Variants in NOTCH1 observed in about 807,000 individuals in gnomAD.
The protein encoded by NOTCH1 is neurogenic locus notch homolog protein 1.
Under a neutral mutation model 254.8 loss-of-function variants are expected in NOTCH1, and 37 were observed. The observed-to-expected ratio is 0.15, with a 90% confidence interval of 0.11 to 0.19. The LOEUF is 0.19. Among genes scored for constraint, NOTCH1 ranks in the 10% least tolerant of loss-of-function variants. The probability of loss-of-function intolerance (pLI) is 1.00; values close to 1 mark genes in which losing one functional copy is unlikely to be tolerated. For missense variants in NOTCH1, 2,972 were observed against 3,708.6 expected, an observed-to-expected ratio of 0.80 and a Z score of 5.16; for synonymous variants, 1,731 against 1,618.1, an observed-to-expected ratio of 1.07 and a Z score of -1.68.
chr9:136,510,045 G>T, intron 17 of NOTCH1, 84 bp from the exon 18 acceptor site: 1 of 1,320,012 alleles, frequency 7.6e-7, no homozygotes, highest in Non-Finnish European at 1.1e-6. Flanking sequence ...GCATGGCTGG[G>T]GACAGCCCAG....
Position 136,497,565 on chromosome 9 carries a change from G to T in NOTCH1, c.6181-7C>A. 1 of 1,583,848 alleles carries T rather than the reference G, an allele frequency of 6.3e-7. No homozygotes were observed. The highest frequency in any genetic ancestry group is 1.1e-5 in the South Asian group (1 of 88,828). On this transcript the variant is annotated splice_region_variant and splice_polypyrimidine_tract_variant and intron_variant, in intron 33 of 33. Transcript: ENST00000651671. Reference sequence around the variant, plus strand: ...GAAACAGGGGTGTCTCCTCCTGGGGGATGAGGGCGGGGGCCGGTGAGGGGG... The same window carrying T: ...GAAACAGGGGTGTCTCCTCCTGGGGTATGAGGGCGGGGGCCGGTGAGGGGG...
At chr9:136,532,045 C>T (rs577466176) in intron 2 of NOTCH1, among the ~76,000 whole-genome samples, 12 of 152,352 alleles carry the variant, frequency 7.9e-5, no homozygotes, top group South Asian at 2.1e-4. Context: ...TCACTCTGCC[C>T]GGGCCCAGCG....
In NOTCH1 at chr9:136,518,174, G is replaced by A. The variant is rs778362940; in HGVS notation, c.1218C>T (p.Gly406=). ...AICTCPSGYT[G]PACSQDVDEC... The stretch of plus-strand genomic sequence containing the variant: ...CATCCACGTCCTGGCTGCAGGCCGG[G>A]CCCGTGTACCCCGAGGGGCAGGTGC... The change falls in exon 7 of 34, where the codon GGC becomes GGT. Residue 406 remains glycine (G), a synonymous_variant. Coordinates refer to ENST00000651671, the MANE Select transcript of NOTCH1 (RefSeq NM_017617.5). 6.3e-7 allele frequency: 1 copy of A among 1,599,462 alleles called. No individual in the cohort carries two copies. Among genetic ancestry groups the A allele is most frequent in the Non-Finnish European group, 8.5e-7 (1 of 1,173,532 alleles).
chr9:136,502,839 G>T (rs1307574390), intron 27 of NOTCH1: 3 of 575,112 alleles, frequency 5.2e-6, no homozygotes, highest in Non-Finnish European at 9.5e-6. Context: ...ACATGACACC[G>T]ATCAATTCTT....
chr9:136,534,455 G>C (rs943985986), intron 2 of NOTCH1, among the ~76,000 whole-genome samples: 3 of 152,180 alleles, frequency 2.0e-5, no homozygotes. Flanking sequence ...CTCAGTGCCA[G>C]GCGGAGCAGA....
intron 30 of NOTCH1, 106 bp downstream of exon 30, chr9:136,501,642 C>T (rs1298643064): frequency 7.2e-7 from 1 of 1,385,642 alleles, no homozygotes; most frequent in Non-Finnish European, 1.0e-6. Context: ...CTCTCACCCC[C>T]AATTCTAAGT....
intron 2 of NOTCH1, among the ~76,000 whole-genome samples, chr9:136,534,550 C>G (rs1843611847): frequency 6.6e-6 from 1 of 152,266 alleles, no homozygotes; most frequent in Admixed American, 6.5e-5. Context: ...AGAACAGCGC[C>G]CACCTGGTGC....
intron 2 of NOTCH1, among the ~76,000 whole-genome samples, chr9:136,528,919 G>A (rs927788951): frequency 6.6e-6 from 1 of 152,142 alleles, no homozygotes; most frequent in Non-Finnish European, 1.5e-5. Flanking sequence ...ATCGCTAGGC[G>A]GCCAGCCTGA....
Position 136,494,715 on chromosome 9 carries a change from G to T in NOTCH1, c.*1356C>A, listed in dbSNP as rs1289806687. 5.0e-6 allele frequency: 2 copies of T among 398,564 alleles called. No individual in the cohort carries two copies. Among genetic ancestry groups the T allele is most frequent in the Non-Finnish European group, 8.8e-6 (2 of 226,004 alleles). The allele number at this position is 398,564 out of a possible 1,614,324, so 24.7% of individuals were successfully genotyped here. On this transcript the variant is annotated 3_prime_UTR_variant, in exon 34 of 34. Coordinates refer to ENST00000651671, the MANE Select transcript of NOTCH1 (RefSeq NM_017617.5). ...CGTCCCCAGTGCATGGGCGGCTAAG[G>T]CTCCCCGAGCTGAGCCAAGTCTGAC... is the stretch of plus-strand genomic sequence containing the variant.
rs1564567879 is a variant in NOTCH1 at position 136,496,546 on chromosome 9, T to C, written c.7193A>G (p.Gln2398Arg). 1 of 1,609,278 alleles carries C rather than the reference T, an allele frequency of 6.2e-7. No individual in the cohort carries two copies. Among genetic ancestry groups the C allele is most frequent in the Non-Finnish European group, 8.5e-7 (1 of 1,179,958 alleles). ...QNLQMQQQNLQPANIQQQQSL... is the reference protein window; with the variant it reads ...QNLQMQQQNLRPANIQQQQSL... Reference sequence around the variant, plus strand: ...TTGCTGCTGCTGGATGTTTGCTGGCTGCAGGTTCTGCTGCTGCATCTGTAA... The same window carrying C: ...TTGCTGCTGCTGGATGTTTGCTGGCCGCAGGTTCTGCTGCTGCATCTGTAA... The change falls in exon 34 of 34, where the codon CAG becomes CGG. Residue 2398 changes from glutamine to arginine, a missense_variant. By Grantham distance (43) the Gln-to-Arg change is conservative. Around this residue, in one of 8 missense-constraint regions of NOTCH1, gnomAD observed 529 missense variants for 529.2 expected, o/e 1.00. Transcript: ENST00000651671.
At chr9:136,541,809 G>C (rs1449514012) in intron 2 of NOTCH1, among the ~76,000 whole-genome samples, 2 of 152,248 alleles carry the variant, frequency 1.3e-5, no homozygotes, top group African/African-American at 4.8e-5. Flanking sequence ...CAACTCTGCG[G>C]CCCAGAAGCA....
At chr9:136,501,087 TG>T (rs1252229690) in intron 30 of NOTCH1, among the ~76,000 whole-genome samples, 1 of 152,196 alleles carries the variant, frequency 6.6e-6, no homozygotes, top group Non-Finnish European at 1.5e-5. Context: ...GCCCAAGACC[TG>T]GCACCCAAAA....
At chr9:136,538,522 C>T (rs1395576912) in intron 2 of NOTCH1, among the ~76,000 whole-genome samples, 3 of 152,360 alleles carry the variant, frequency 2.0e-5, no homozygotes, top group South Asian at 2.1e-4. Flanking sequence ...AAAGCGCCAG[C>T]GCTGCCTGGG....
chr9:136,507,235 C>T (rs769196185), intron 22 of NOTCH1, 70 bp downstream of exon 22: 40 of 1,609,772 alleles, frequency 2.5e-5, no homozygotes, highest in Admixed American at 1.0e-4. Context: ...TGGCCGGTCC[C>T]GGGGTGCCTG....
In NOTCH1 at chr9:136,543,612, A is replaced by G. The variant is rs549065250; in HGVS notation, c.140+412T>C. The G allele has an allele frequency of 1.9e-5, 7 of 368,594 alleles. No individual in the cohort carries two copies. In the East Asian group the frequency reaches 4.2e-4, roughly 22 times the overall value. 22.8% of individuals were successfully genotyped at this position (368,594 alleles called of 1,614,324 possible). ...GGCATCACCCCCGAGAGGAGGCATC[A>G]CCTGTGCCCAGGAGGCATCACCCGC... On this transcript the variant is annotated intron_variant, in intron 2 of 33. Coordinates refer to ENST00000651671, the MANE Select transcript of NOTCH1 (RefSeq NM_017617.5).
chr9:136,497,565 G>C lies in NOTCH1; in HGVS notation c.6181-7C>G, dbSNP rs1283606239. The C allele has an allele frequency of 6.3e-7, 1 of 1,583,856 alleles. No individual in the cohort carries two copies. Among genetic ancestry groups the C allele is most frequent in the Admixed American group, 1.7e-5 (1 of 58,882 alleles). On this transcript the variant is annotated splice_region_variant and splice_polypyrimidine_tract_variant and intron_variant, in intron 33 of 33. Coordinates refer to ENST00000651671, the MANE Select transcript of NOTCH1 (RefSeq NM_017617.5). ...GAAACAGGGGTGTCTCCTCCTGGGG[G>C]ATGAGGGCGGGGGCCGGTGAGGGGG...
intron 2 of NOTCH1, among the ~76,000 whole-genome samples, chr9:136,527,336 C>A (rs537631350): frequency 1.9e-4 from 29 of 152,360 alleles, no homozygotes; most frequent in African/African-American, 6.3e-4. Flanking sequence ...ACAGCTTTGG[C>A]GCTGGCCACA....
rs116317506 is a variant in NOTCH1 at position 136,497,285 on chromosome 9, C to G, written c.6454G>C (p.Gly2152Arg). The G allele has an allele frequency of 8.9e-4, 1,439 of 1,609,252 alleles. 15 individuals are homozygous for G. The African/African-American group carries it at 0.016, about 18-fold the overall frequency. ...PNGYLGSLKP[G>R]VQGKKVRKPS... ...TTGCGGACCTTCTTGCCCTGCACGC[C>G]GGGCTTGAGGCTGCCCAGGTAGCCG... The change falls in exon 34 of 34, where the codon GGC becomes CGC. Residue 2152 changes from glycine (G) to arginine (R), a missense_variant. Coordinates refer to ENST00000651671, the MANE Select transcript of NOTCH1 (RefSeq NM_017617.5).
intron 2 of NOTCH1, among the ~76,000 whole-genome samples, chr9:136,529,183 C>T (rs1843520098): frequency 2.6e-5 from 4 of 152,238 alleles, no homozygotes; most frequent in Non-Finnish European, 4.4e-5. Flanking sequence ...GCCCACCCAT[C>T]GGCCTGCCCA....
Sources: gnomAD v4.1 joint callset for allele counts (sites outside exome capture counted in the v4.1 genomes callset) on GRCh38, gnomAD v4.1.1 for gene constraint, gnomAD v4.1.1 regional missense constraint, MANE v1.5 for transcripts, NCBI Gene and HGNC (gene_info 2026-07-23, HGNC 2026-07-21) for gene names.